TAFA2: variants seen among roughly 807,000 people sequenced by gnomAD.
TAFA2 encodes chemokine-like protein TAFA-2.
A neutral mutation model predicts 18.8 loss-of-function variants in TAFA2; 7 were observed. The observed-to-expected ratio is 0.37, with a 90% CI of 0.21 to 0.70. TAFA2 has a LOEUF of 0.70. Among genes scored for constraint, TAFA2 ranks in the 30% least tolerant of loss-of-function variants. The pLI, the probability that TAFA2 is intolerant of heterozygous loss-of-function variation, is 0.53. For missense variants in TAFA2, 122 were observed against 158.1 expected (o/e 0.77, Z 1.23); for synonymous variants, 60 against 54.2 (o/e 1.11, Z -0.47).
intron 1 of TAFA2, among the ~76,000 whole-genome samples, chr12:62,228,373 A>G (rs910809496): frequency 6.6e-6 from 1 of 152,176 alleles, no homozygotes; most frequent in African/African-American, 2.4e-5. Context: ...TTTTGGTAGA[A>G]TGACTTATTT....
At position 61,938,282 on chromosome 12, in the gene TAFA2, T is replaced by C. The variant is rs73310280; in HGVS notation, c.-1-70856A>G. On this transcript the variant is annotated intron_variant, in intron 1 of 4. Transcript: ENST00000416284. ...AACTTATATATTGCTGGTGGGAACATAAATTAGTAAAACCTCCTTAGAAAA... is the reference window on the plus strand; with the variant it reads ...AACTTATATATTGCTGGTGGGAACACAAATTAGTAAAACCTCCTTAGAAAA... Among the ~76,000 whole-genome samples, 396 of 136,966 alleles carry C rather than the reference T, an allele frequency of 2.9e-3. 1 individual carries two copies. The highest frequency in any genetic ancestry group is 0.01 in the African/African-American group (375 of 36,906). 89.9% of individuals were successfully genotyped at this position (136,966 alleles called of 152,430 possible). A position where few individuals can be genotyped will look rare whatever the true frequency, so the allele number is the denominator to read the frequency against.
intron 1 of TAFA2, among the ~76,000 whole-genome samples, chr12:62,180,330 C>A (rs927063129): frequency 6.6e-6 from 1 of 152,032 alleles, no homozygotes; most frequent in African/African-American, 2.4e-5. Context: ...TGTTTTGGGA[C>A]AATACAAGGA....
At chr12:62,004,120 G>A in intron 1 of TAFA2, among the ~76,000 whole-genome samples, 1 of 151,930 alleles carries the variant, frequency 6.6e-6, no homozygotes, top group East Asian at 1.9e-4. Context: ...ACAATATTAA[G>A]CAAAAATACA....
intron 2 of TAFA2, among the ~76,000 whole-genome samples, chr12:61,792,280 G>A (rs569680825): frequency 6.6e-6 from 1 of 151,410 alleles, no homozygotes; most frequent in East Asian, 1.9e-4. Flanking sequence ...TGAGTCAATG[G>A]ATACAAAGTT....
intron 4 of TAFA2, among the ~76,000 whole-genome samples, chr12:61,726,645 G>A (rs1234854792): frequency 6.6e-6 from 1 of 151,990 alleles, no homozygotes; most frequent in Non-Finnish European, 1.5e-5. Flanking sequence ...TGAGTCCTTA[G>A]GGTTTTCTAG....
chr12:62,060,036 A>G (rs1437451914), intron 1 of TAFA2, among the ~76,000 whole-genome samples: 3 of 152,206 alleles, frequency 2.0e-5, no homozygotes, highest in South Asian at 4.1e-4. Context: ...AATTACACAC[A>G]TTTATTGTTT....
chr12:62,029,346 T>C (rs1881389204), intron 1 of TAFA2, among the ~76,000 whole-genome samples: 1 of 152,188 alleles, frequency 6.6e-6, no homozygotes, highest in Admixed American at 6.5e-5. Context: ...TTTTTAACAT[T>C]AATATTATGC....
chr12:61,936,875 C>T lies in TAFA2; in HGVS notation c.-1-69449G>A, dbSNP rs1877791156. Among the ~76,000 whole-genome samples, 6 of 152,106 alleles carry T rather than the reference C, an allele frequency of 3.9e-5. No individual in the cohort carries two copies. In the South Asian group the frequency reaches 1.2e-3, roughly 32 times the overall value. ...CCAAATTGGAAAATAGGAAATCAAA[C>T]TATCACTGTTCACCAATGATATAAC... On this transcript the variant is annotated intron_variant, in intron 1 of 4. Transcript: ENST00000416284.
intron 1 of TAFA2, among the ~76,000 whole-genome samples, chr12:62,214,072 C>G (rs2062724223): frequency 6.6e-6 from 1 of 152,184 alleles, no homozygotes; most frequent in Admixed American, 6.5e-5. Context: ...TAAAATTTCA[C>G]AAACCATTAA....
At chr12:61,964,487 G>A (rs1372974116) in intron 1 of TAFA2, among the ~76,000 whole-genome samples, 1 of 151,716 alleles carries the variant, frequency 6.6e-6, no homozygotes, top group African/African-American at 2.4e-5. Flanking sequence ...TATACTTAAT[G>A]TTCCAAGCAC....
intron 2 of TAFA2, among the ~76,000 whole-genome samples, chr12:61,778,597 C>T (rs1247038122): frequency 7.9e-5 from 12 of 151,814 alleles, no homozygotes; most frequent in Non-Finnish European, 1.8e-4. Flanking sequence ...AGACAAATGT[C>T]CTGCCCTCAG....
chr12:62,019,710 C>T (rs886173161), intron 1 of TAFA2, among the ~76,000 whole-genome samples: 1 of 151,130 alleles, frequency 6.6e-6, no homozygotes. Context: ...AGGAGATATA[C>T]CTAATGTTAA....
In TAFA2 at chr12:62,234,635, C is replaced by T. The variant is rs534659481; in HGVS notation, c.-130+24128G>A. The T allele has an allele frequency of 1.9e-5, 16 of 845,656 alleles. No individual in the cohort carries two copies. The African/African-American group carries it at 2.7e-4, about 14-fold the overall frequency. The allele number at this position is 845,656 out of a possible 1,614,324, so 52.4% of individuals were successfully genotyped here. Reference sequence around the variant, plus strand: ...AGGGCCTCTCACCCATGTGCTTGCACTGGTGGCTAACAAGGTAGGAGCGTT... The same window carrying T: ...AGGGCCTCTCACCCATGTGCTTGCATTGGTGGCTAACAAGGTAGGAGCGTT... On this transcript the variant is annotated intron_variant, in intron 1 of 5. Coordinates refer to the TAFA2 transcript ENST00000551619.
intron 1 of TAFA2, among the ~76,000 whole-genome samples, chr12:61,875,449 C>T (rs1281900276): frequency 6.6e-6 from 1 of 151,882 alleles, no homozygotes; most frequent in Non-Finnish European, 1.5e-5. Context: ...AAATAAGGTA[C>T]GGTTATATAG....
chr12:61,929,341 G>A (rs1226669535), intron 1 of TAFA2, among the ~76,000 whole-genome samples: 11 of 151,946 alleles, frequency 7.2e-5, no homozygotes, highest in South Asian at 2.1e-4. Flanking sequence ...ACAAGTGGGC[G>A]AAGGATATGA....
intron 1 of TAFA2, among the ~76,000 whole-genome samples, chr12:62,226,486 C>T (rs959907686): frequency 1.3e-5 from 2 of 152,124 alleles, no homozygotes; most frequent in Non-Finnish European, 2.9e-5. Context: ...CGTGAGCCAC[C>T]GCACCCGGCC....
chr12:62,118,095 A>G (rs1870038051), intron 1 of TAFA2, among the ~76,000 whole-genome samples: 1 of 152,080 alleles, frequency 6.6e-6, no homozygotes, highest in Admixed American at 6.6e-5. Flanking sequence ...ATCCCTCTGA[A>G]TCTTCAGATT....
chr12:61,837,268 TTC>T (rs1239754125), intron 2 of TAFA2, among the ~76,000 whole-genome samples: 6 of 151,962 alleles, frequency 3.9e-5, no homozygotes, highest in Admixed American at 3.3e-4. Context: ...TTTATGCTCT[TTC>T]TCTGAGTTTG....
chr12:62,006,583 T>C (rs933011299), intron 1 of TAFA2, among the ~76,000 whole-genome samples: 3 of 152,138 alleles, frequency 2.0e-5, no homozygotes, highest in South Asian at 2.1e-4. Context: ...CTAACTAAAG[T>C]CTAAGAGAGG....
Sources: allele counts gnomAD v4.1 joint callset (sites outside exome capture counted in the v4.1 genomes callset), GRCh38; gene constraint gnomAD v4.1.1; transcripts MANE v1.5; gene names NCBI Gene and HGNC (gene_info 2026-07-23, HGNC 2026-07-21).